The following PHLDB2 variants were observed in gnomAD, a reference collection of about 807,000 sequenced individuals.
PHLDB2 encodes pleckstrin homology like domain family B member 2, also known as pleckstrin homology-like domain family B member 2.
PHLDB2 carries 71 observed loss-of-function variants against 123.6 expected under a neutral mutation model. That is an observed-to-expected ratio of 0.57 (90% CI 0.47 to 0.70). The LOEUF is 0.70. PHLDB2 is among the 30% of genes least tolerant of loss of function. The pLI is 0.00. For synonymous variants in PHLDB2, 547 were observed against 541.6 expected (o/e 1.01, Z -0.14); for missense variants, 1,446 against 1,519.5 (o/e 0.95, Z 0.80).
chr3:111,940,570 CA>C lies in PHLDB2; in HGVS notation c.2323del (p.Ile775LeufsTer13), dbSNP rs1232378484. On this transcript the variant is annotated frameshift_variant, in exon 8 of 18. Transcript: ENST00000431670. LOFTEE classifies it high-confidence loss of function. ...CTGCATTGAAAAAGCAAGCCAATCA[CA>C]TTGTTCAGCAGGCTCAGAGAGAGCA... ...ISALKKQANH[I>X]VQQAQREQDH... The C allele has an allele frequency of 1.2e-6, 2 of 1,601,880 alleles. No individual in the cohort carries two copies. Among genetic ancestry groups the C allele is most frequent in the Non-Finnish European group, 1.7e-6 (2 of 1,174,918 alleles).
chr3:111,745,128 T>C (rs1355008795), intron 1 of PHLDB2, among the ~76,000 whole-genome samples: 1 of 152,152 alleles, frequency 6.6e-6, no homozygotes, highest in Non-Finnish European at 1.5e-5. Flanking sequence ...AGAGCCAAAA[T>C]AGTTGCATCT....
rs537899765 is a variant in PHLDB2 at position 111,859,434 on chromosome 3, G to C, written c.-157G>C. The C allele has an allele frequency of 5.4e-5, 53 of 985,570 alleles. No individual in the cohort carries two copies. In the Admixed American group the frequency reaches 2.1e-3, roughly 40 times the overall value. 61.1% of individuals were successfully genotyped at this position (985,570 alleles called of 1,614,324 possible). On this transcript the variant is annotated 5_prime_UTR_variant, in exon 1 of 18. Transcript: ENST00000431670. ...GGTGCCCGCCGCGGTGGTTACAAAG[G>C]GGGTCAAGAGTGCCGGACCCAGCCG... is the stretch of plus-strand genomic sequence containing the variant.
intron 1 of PHLDB2, among the ~76,000 whole-genome samples, chr3:111,733,465 G>A (rs758392198): frequency 3.3e-5 from 5 of 152,100 alleles, no homozygotes; most frequent in Middle Eastern, 3.2e-3. Flanking sequence ...TTCTCCTTCC[G>A]AGAATAGTAA....
At chr3:111,764,116 G>T (rs775835001) in intron 1 of PHLDB2, among the ~76,000 whole-genome samples, 22 of 152,124 alleles carry the variant, frequency 1.4e-4, no homozygotes, top group Non-Finnish European at 1.0e-4. Flanking sequence ...ACAAGCTATG[G>T]AACCTCTTTA....
chr3:111,753,725 A>G (rs1185459899), intron 1 of PHLDB2, among the ~76,000 whole-genome samples: 1 of 152,162 alleles, frequency 6.6e-6, no homozygotes, highest in East Asian at 1.9e-4. Context: ...GTCCTTGCCC[A>G]TGCCTATGTC....
chr3:111,766,425 C>G (rs1477462933), intron 1 of PHLDB2, among the ~76,000 whole-genome samples: 2 of 130,706 alleles, frequency 1.5e-5, no homozygotes, highest in South Asian at 4.9e-4. Context: ...TCGTGGGCGA[C>G]AGAGTGAGAC....
intron 1 of PHLDB2, among the ~76,000 whole-genome samples, chr3:111,739,232 T>C (rs1166098142): frequency 6.6e-6 from 1 of 152,178 alleles, no homozygotes; most frequent in Non-Finnish European, 1.5e-5. Flanking sequence ...CTATGCCACC[T>C]TGAAGATGTT....
chr3:111,883,951 G>C, intron 1 of PHLDB2, 113 bp from the exon 2 acceptor site: 1 of 960,104 alleles, frequency 1.0e-6, no homozygotes, highest in Non-Finnish European at 1.5e-6. Context: ...GTTTGTGTTT[G>C]TTAGTTGCAT....
intron 12 of PHLDB2, among the ~76,000 whole-genome samples, chr3:111,956,052 AGGCATGGT>A: frequency 6.6e-6 from 1 of 152,270 alleles, no homozygotes; most frequent in Middle Eastern, 3.4e-3. Flanking sequence ...AAAATTAGCC[AGGCATGGT>A]GGCATGCACC....
chr3:111,751,017 G>A (rs1364825408), intron 1 of PHLDB2, among the ~76,000 whole-genome samples: 1 of 151,844 alleles, frequency 6.6e-6, no homozygotes, highest in African/African-American at 2.4e-5. Context: ...CAGAGAAAGA[G>A]CCCCCAAACT....
At chr3:111,922,083 CAAGT>C (rs2107535283) in intron 5 of PHLDB2, among the ~76,000 whole-genome samples, 1 of 152,262 alleles carries the variant, frequency 6.6e-6, no homozygotes, top group Non-Finnish European at 1.5e-5. Context: ...ATTTTATTAT[CAAGT>C]AAATATTAAT....
At chr3:111,783,888 G>C (rs1456185232) in intron 1 of PHLDB2, among the ~76,000 whole-genome samples, 1 of 152,052 alleles carries the variant, frequency 6.6e-6, no homozygotes, top group Non-Finnish European at 1.5e-5. Context: ...GACAAAGTTT[G>C]TTATCTTTAA....
intron 3 of PHLDB2, chr3:111,915,486 G>T (rs537916972): frequency 1.3e-5 from 2 of 152,704 alleles, no homozygotes; most frequent in South Asian, 4.2e-4. Flanking sequence ...CTGGAGTGCA[G>T]TGGTGCAATC....
chr3:111,888,253 T>C (rs2066288111), intron 2 of PHLDB2, among the ~76,000 whole-genome samples: 1 of 152,126 alleles, frequency 6.6e-6, no homozygotes, highest in South Asian at 2.1e-4. Context: ...ACAAACCTAA[T>C]TATTTCTAGC....
chr3:111,968,014 A>C (rs1311947240), intron 15 of PHLDB2, among the ~76,000 whole-genome samples, 190 bp downstream of exon 15: 1 of 150,850 alleles, frequency 6.6e-6, no homozygotes, highest in African/African-American at 2.4e-5. Context: ...AGTTCATTTC[A>C]AAACTCTTAG....
At chr3:111,928,130 C>T (rs773888478) in intron 5 of PHLDB2, among the ~76,000 whole-genome samples, 14 of 152,152 alleles carry the variant, frequency 9.2e-5, no homozygotes, top group Non-Finnish European at 1.5e-4. Flanking sequence ...CCTGTCTGTA[C>T]GAATATTGCA....
At chr3:111,747,045 G>C (rs1414405651) in intron 1 of PHLDB2, among the ~76,000 whole-genome samples, 10 of 151,996 alleles carry the variant, frequency 6.6e-5, no homozygotes, top group Admixed American at 5.9e-4. Flanking sequence ...GACCTTTTCT[G>C]GTAGTAAAGA....
chr3:111,786,079 A>T (rs1347415550), intron 1 of PHLDB2, among the ~76,000 whole-genome samples: 1 of 152,116 alleles, frequency 6.6e-6, no homozygotes, highest in African/African-American at 2.4e-5. Flanking sequence ...TCTATGGAGG[A>T]TTGGTTCTAG....
intron 2 of PHLDB2, among the ~76,000 whole-genome samples, chr3:111,897,143 C>A (rs1249148456): frequency 6.6e-6 from 1 of 152,210 alleles, no homozygotes; most frequent in Non-Finnish European, 1.5e-5. Flanking sequence ...TTCTCCATTT[C>A]TATAATTTTA....
Sources: gnomAD v4.1 joint callset for allele counts (sites outside exome capture counted in the v4.1 genomes callset) on GRCh38, gnomAD v4.1.1 for gene constraint, MANE v1.5 for transcripts, NCBI Gene and HGNC (gene_info 2026-07-23, HGNC 2026-07-21) for gene names.